Variants in COG5 observed in about 807,000 individuals in gnomAD.
COG5 encodes the protein conserved oligomeric Golgi complex subunit 5.
A neutral mutation model predicts 110.4 loss-of-function variants in COG5; 86 were observed. The ratio of observed to expected loss-of-function variants is 0.78; its 90% CI spans 0.65 to 0.93. The LOEUF is 0.93. Ranked by LOEUF, COG5 falls within the 40% of genes least tolerant of loss-of-function variation. The pLI, the probability that COG5 is intolerant of heterozygous loss-of-function variation, is 0.00. For synonymous variants in COG5, 360 were observed against 334.6 expected, an observed-to-expected ratio of 1.08 and a Z score of -0.83; for missense variants, 1,077 against 987.0, an observed-to-expected ratio of 1.09 and a Z score of -1.22.
In COG5 at chr7:107,205,372, G is replaced by C. The variant is rs564194420; in HGVS notation, c.2376-1742C>G. Among the ~76,000 whole-genome samples, 422 of 152,236 alleles carry C rather than the reference G, an allele frequency of 2.8e-3. 3 individuals carry two copies. The highest frequency in any genetic ancestry group is 9.5e-3 in the African/African-American group (393 of 41,538). ...CCCAGCCCTTTCTGTGCTACTGCTG[G>C]GTTTTAGATAGCTTGATGTGGCCTA... is the stretch of plus-strand genomic sequence containing the variant. On this transcript the variant is annotated intron_variant, in intron 21 of 21. Coordinates refer to ENST00000297135, the MANE Select transcript of COG5 (RefSeq NM_006348.5).
At chr7:107,265,640 C>T (rs1803736690) in intron 14 of COG5, among the ~76,000 whole-genome samples, 1 of 152,144 alleles carries the variant, frequency 6.6e-6, no homozygotes, top group South Asian at 2.1e-4. Context: ...GAATGTAAGA[C>T]TTATGATTAA....
At chr7:107,323,306 A>G (rs1264529657) in intron 11 of COG5, among the ~76,000 whole-genome samples, 7 of 152,196 alleles carry the variant, frequency 4.6e-5, no homozygotes, top group Admixed American at 3.9e-4. Context: ...AGGCGGGCCG[A>G]TCATTTGAGG....
intron 6 of COG5, among the ~76,000 whole-genome samples, chr7:107,432,893 C>T (rs1163937335): frequency 6.6e-6 from 1 of 151,964 alleles, no homozygotes; most frequent in African/African-American, 2.4e-5. Context: ...GTAAAATTAT[C>T]TCTGTTCACA....
chr7:107,246,984 G>A (rs542200237), intron 17 of COG5, among the ~76,000 whole-genome samples: 4 of 152,208 alleles, frequency 2.6e-5, no homozygotes, highest in African/African-American at 7.2e-5. Flanking sequence ...GCCCATCAAT[G>A]ACATAGTGGA....
chr7:107,375,745 T>C (rs1368426471), intron 7 of COG5, among the ~76,000 whole-genome samples: 1 of 152,032 alleles, frequency 6.6e-6, no homozygotes, highest in Admixed American at 6.5e-5. Flanking sequence ...ACCACTTTGA[T>C]AATTATATGT....
chr7:107,294,125 GC>G (rs1184821851), intron 12 of COG5, among the ~76,000 whole-genome samples: 2 of 151,922 alleles, frequency 1.3e-5, no homozygotes, highest in Non-Finnish European at 2.9e-5. Flanking sequence ...CATATTTCCA[GC>G]CCTGACTCAT....
At chr7:107,438,542 T>C (rs1243868896) in intron 6 of COG5, among the ~76,000 whole-genome samples, 1 of 152,238 alleles carries the variant, frequency 6.6e-6, no homozygotes, top group African/African-American at 2.4e-5. Flanking sequence ...CTTGTTTTTC[T>C]CTTCTTACTC....
At position 107,326,100 on chromosome 7, in the gene COG5, T is replaced by A. The variant is rs566332428; in HGVS notation, c.1027-1579A>T. Among the ~76,000 whole-genome samples the A allele has an allele frequency of 7.2e-5, 11 of 152,242 alleles. No homozygotes were observed. The South Asian group carries it at 2.3e-3, about 32-fold the overall frequency. ...TGCAGAAAAAGCATTAAACAAAATTTAACACCATCTGATGATAAAAACACT... is the reference window on the plus strand; with the variant it reads ...TGCAGAAAAAGCATTAAACAAAATTAAACACCATCTGATGATAAAAACACT... On this transcript the variant is annotated intron_variant, in intron 10 of 21. Transcript: ENST00000297135.
At chr7:107,447,617 C>T (rs959599046) in intron 6 of COG5, among the ~76,000 whole-genome samples, 1 of 152,086 alleles carries the variant, frequency 6.6e-6, no homozygotes, top group Non-Finnish European at 1.5e-5. Flanking sequence ...AGGCTATAGG[C>T]ATTATAGCAT....
At chr7:107,419,229 T>C (rs187094309) in intron 6 of COG5, among the ~76,000 whole-genome samples, 45 of 152,244 alleles carry the variant, frequency 3.0e-4, no homozygotes, top group African/African-American at 1.1e-3. Flanking sequence ...AAATGGCTTA[T>C]AGAGAACAGA....
chr7:107,390,004 C>T (rs755118719), intron 7 of COG5, among the ~76,000 whole-genome samples: 3 of 152,132 alleles, frequency 2.0e-5, no homozygotes, highest in Non-Finnish European at 4.4e-5. Flanking sequence ...GTTTGTGACC[C>T]GGGTGCAAGA....
At chr7:107,491,712 C>T (rs1797982708) in intron 6 of COG5, among the ~76,000 whole-genome samples, 1 of 152,152 alleles carries the variant, frequency 6.6e-6, no homozygotes, top group African/African-American at 2.4e-5. Flanking sequence ...TCATCCAAAT[C>T]ACAAGGATTC....
intron 10 of COG5, among the ~76,000 whole-genome samples, chr7:107,351,461 G>T (rs1262727788): frequency 1.3e-5 from 2 of 152,120 alleles, no homozygotes; most frequent in African/African-American, 4.8e-5. Context: ...TGACAAATGG[G>T]ATCTAATTAA....
intron 6 of COG5, among the ~76,000 whole-genome samples, chr7:107,521,129 A>C (rs969228389): frequency 8.5e-5 from 13 of 152,352 alleles, no homozygotes; most frequent in African/African-American, 2.9e-4. Flanking sequence ...CTTATACCTT[A>C]TTCAAAAATT....
At chr7:107,209,367 G>T in intron 21 of COG5, 1 of 291,598 alleles carries the variant, frequency 3.4e-6, no homozygotes, top group Non-Finnish European at 5.1e-6. Context: ...GAATGAGAAG[G>T]TTTGAGAGAA....
chr7:107,361,956 A>G, intron 10 of COG5, 77 bp downstream of exon 10: 1 of 907,286 alleles, frequency 1.1e-6, no homozygotes, highest in Non-Finnish European at 1.8e-6. Context: ...ATAAGGTAGT[A>G]GTAACACAAA....
At position 107,201,679 on chromosome 7, in the gene COG5, A is replaced by T. The variant is rs529549920; in HGVS notation, c.*1837T>A. The T allele has an allele frequency of 2.6e-6, 1 of 384,518 alleles. No homozygotes were observed. Among genetic ancestry groups the T allele is most frequent in the East Asian group, 4.0e-5 (1 of 25,260 alleles). The allele number at this position is 384,518 out of a possible 1,614,324, so 23.8% of individuals were successfully genotyped here. Reference sequence around the variant, plus strand: ...TTTCTTCCAAACTTCATATATGTCTATCAGGTAATAATAGGCTTGAAAATT... The same window carrying T: ...TTTCTTCCAAACTTCATATATGTCTTTCAGGTAATAATAGGCTTGAAAATT... On this transcript the variant is annotated 3_prime_UTR_variant, in exon 22 of 22. Transcript: ENST00000297135.
At chr7:107,378,246 A>G (rs996363822) in intron 7 of COG5, among the ~76,000 whole-genome samples, 3 of 152,194 alleles carry the variant, frequency 2.0e-5, no homozygotes, top group Non-Finnish European at 4.4e-5. Context: ...AAGGAAGTCC[A>G]AAGAGAAACC....
chr7:107,480,265 G>A (rs1474425673), intron 6 of COG5, among the ~76,000 whole-genome samples: 2 of 151,986 alleles, frequency 1.3e-5, no homozygotes, highest in Non-Finnish European at 2.9e-5. Flanking sequence ...AAGAAGCAAT[G>A]GGAAAACCAT....
Sources: allele counts gnomAD v4.1 joint callset (sites outside exome capture counted in the v4.1 genomes callset), GRCh38; gene constraint gnomAD v4.1.1; transcripts MANE v1.5; gene names NCBI Gene and HGNC (gene_info 2026-07-23, HGNC 2026-07-21).